The following FARP1 variants were observed in gnomAD, a reference collection of about 807,000 sequenced individuals.
The protein encoded by FARP1 is FERM, ARHGEF and pleckstrin domain-containing protein 1.
In FARP1, 52 loss-of-function variants were observed where a neutral mutation model predicts 128.8. That is an observed-to-expected ratio of 0.40 (90% confidence interval 0.32 to 0.51). The LOEUF is 0.51. Among genes scored for constraint, FARP1 ranks in the 20% least tolerant of loss-of-function variants. The pLI is 0.45. For missense variants in FARP1, 1,333 were observed against 1,367.9 expected (o/e 0.97, Z 0.40); for synonymous variants, 580 against 551.8 (o/e 1.05, Z -0.72).
At chr13:98,265,633 A>G (rs578032287) in intron 2 of FARP1, among the ~76,000 whole-genome samples, 243 of 152,260 alleles carry the variant, frequency 1.6e-3, no homozygotes, top group African/African-American at 5.7e-3. Context: ...CTGAATTTAT[A>G]TACGACATGT....
In FARP1 at chr13:98,176,695, C is replaced by T. The variant is rs1419245506; in HGVS notation, c.-24+33203C>T. ...CCAGCGCACAGTGGCGCGCAGATGC[C>T]CTGGCGCACGTATGGGGCCCTTCCT... is the stretch of plus-strand genomic sequence containing the variant. On this transcript the variant is annotated intron_variant, in intron 1 of 26. Coordinates refer to ENST00000319562, the MANE Select transcript of FARP1 (RefSeq NM_005766.4). The surrounding 1 kb of genome is among the most constrained non-coding windows in gnomAD (Gnocchi z 6.2). 1.9e-6 allele frequency: 3 copies of T among 1,614,090 alleles called. No homozygotes were observed. The highest frequency in any genetic ancestry group is 3.3e-5 in the Admixed American group (2 of 60,008).
intron 18 of FARP1, chr13:98,434,710 A>G (rs1347131128): frequency 6.6e-6 from 1 of 152,218 alleles, no homozygotes. Context: ...ATCGAAAAAT[A>G]AAGGCCTGAT....
intron 2 of FARP1, among the ~76,000 whole-genome samples, chr13:98,222,794 ATTTTTTT>A (rs34198874): frequency 1.1e-4 from 14 of 124,788 alleles, no homozygotes; most frequent in African/African-American, 3.1e-4. Flanking sequence ...TGCCCAGCTA[ATTTTTTT>A]TTTTTTTTTT....
intron 16 of FARP1, 96 bp from the exon 17 acceptor site, chr13:98,424,476 T>G: frequency 1.3e-6 from 1 of 783,114 alleles, no homozygotes; most frequent in Non-Finnish European, 2.3e-6. Flanking sequence ...CGGGGAGGGG[T>G]GATTGGAAAG....
At chr13:98,223,166 G>A (rs1218397844) in intron 2 of FARP1, among the ~76,000 whole-genome samples, 1 of 152,248 alleles carries the variant, frequency 6.6e-6, no homozygotes, top group African/African-American at 2.4e-5. Flanking sequence ...CCAGGAGTGG[G>A]AGAGCACCTG....
At chr13:98,163,757 G>A (rs1877050879) in intron 1 of FARP1, among the ~76,000 whole-genome samples, 1 of 149,932 alleles carries the variant, frequency 6.7e-6, no homozygotes, top group African/African-American at 2.4e-5. Flanking sequence ...CGCCCAGGCT[G>A]GAGTGCAGTG....
intron 5 of FARP1, among the ~76,000 whole-genome samples, chr13:98,369,301 G>T (rs564530131): frequency 1.9e-4 from 29 of 150,752 alleles, no homozygotes; most frequent in Non-Finnish European, 3.5e-4. Flanking sequence ...TGGATAAAAT[G>T]ATTCCCTTTG....
chr13:98,145,861 CA>C (rs140525790), intron 1 of FARP1, among the ~76,000 whole-genome samples: 41,360 of 129,328 alleles, frequency 0.32, 5,580 homozygotes, highest in Middle Eastern at 0.42. Flanking sequence ...GACTCTGTCT[CA>C]AAAAAAAAAA....
chr13:98,239,189 A>G (rs9652116), intron 2 of FARP1, among the ~76,000 whole-genome samples: 40,555 of 152,120 alleles, frequency 0.27, 5,748 homozygotes, highest in Middle Eastern at 0.35. Flanking sequence ...TACTTACCCT[A>G]TGGAGAAAGG....
chr13:98,438,767 C>G (rs371893371), intron 19 of FARP1, 37 bp from the exon 20 acceptor site: 7 of 1,590,494 alleles, frequency 4.4e-6, no homozygotes, highest in East Asian at 4.5e-5. Context: ...GGGGTCCGCA[C>G]GCTCGCAGCC....
At chr13:98,172,715 T>C (rs1430027307) in intron 1 of FARP1, among the ~76,000 whole-genome samples, 1 of 152,208 alleles carries the variant, frequency 6.6e-6, no homozygotes, top group Non-Finnish European at 1.5e-5. Context: ...TGCTGACTTC[T>C]GCATTTCTTA....
At chr13:98,368,814 A>G (rs674883) in intron 5 of FARP1, among the ~76,000 whole-genome samples, 81,324 of 151,940 alleles carry the variant, frequency 0.54, 22,633 homozygotes, top group Non-Finnish European at 0.6. Context: ...AATGGTAACT[A>G]TCAACACCAC....
intron 1 of FARP1, among the ~76,000 whole-genome samples, chr13:98,187,264 C>T (rs750129604): frequency 5.3e-5 from 8 of 152,126 alleles, no homozygotes; most frequent in African/African-American, 7.2e-5. Flanking sequence ...TGTGAGCCTC[C>T]TCTTTGGTGA....
intron 2 of FARP1, among the ~76,000 whole-genome samples, chr13:98,326,721 T>C (rs1887251941): frequency 6.6e-6 from 1 of 151,900 alleles, no homozygotes; most frequent in African/African-American, 2.4e-5. Flanking sequence ...CTTTAGAATA[T>C]GTTAAAGTCA....
intron 2 of FARP1, among the ~76,000 whole-genome samples, chr13:98,220,873 C>A (rs9584773): frequency 0.012 from 1,768 of 151,812 alleles, 27 homozygotes; most frequent in African/African-American, 0.04. Flanking sequence ...AAAAAAAAAA[C>A]CAGTATAACC....
chr13:98,244,672 C>T (rs142889072), intron 2 of FARP1: 128 of 1,613,968 alleles, frequency 7.9e-5, no homozygotes, highest in Non-Finnish European at 9.4e-5. Context: ...AGAAGCTTAG[C>T]GGTCACAGTC....
chr13:98,162,970 G>GAT (rs1157869224), intron 1 of FARP1, among the ~76,000 whole-genome samples: 1 of 152,108 alleles, frequency 6.6e-6, no homozygotes, highest in African/African-American at 2.4e-5. Context: ...CTCATTACTG[G>GAT]ATATATACCC....
intron 6 of FARP1, 118 bp downstream of exon 6, chr13:98,378,036 C>A: frequency 1.3e-6 from 1 of 782,948 alleles, no homozygotes; most frequent in Non-Finnish European, 2.1e-6. Flanking sequence ...GTTATTTTTG[C>A]TGTTCGTATG....
chr13:98,319,406 G>T (rs1340168104), intron 2 of FARP1, among the ~76,000 whole-genome samples: 1 of 152,180 alleles, frequency 6.6e-6, no homozygotes, highest in Admixed American at 6.5e-5. Context: ...GGATCACAAG[G>T]TCAGGAGATC....
Sources: gnomAD v4.1 joint callset for allele counts (sites outside exome capture counted in the v4.1 genomes callset) on GRCh38, gnomAD v4.1.1 for gene constraint, Gnocchi (gnomAD v3.1) non-coding constraint, MANE v1.5 for transcripts, NCBI Gene and HGNC (gene_info 2026-07-23, HGNC 2026-07-21) for gene names.